ADCY3: variants seen among roughly 807,000 people sequenced by gnomAD.
The protein encoded by ADCY3 is adenylate cyclase 3, also known as adenylate cyclase type 3.
In ADCY3, 70 loss-of-function variants were observed where a neutral mutation model predicts 119.4. The observed-to-expected ratio is 0.59, with a 90% CI of 0.48 to 0.72. The LOEUF (loss-of-function observed/expected upper bound fraction) is 0.72, where lower values mean the gene tolerates loss of function less well. Among genes scored for constraint, ADCY3 ranks in the 30% least tolerant of loss-of-function variants. The pLI, the probability that ADCY3 is intolerant of heterozygous loss-of-function variation, is 0.00. For synonymous variants in ADCY3, 672 were observed against 621.4 expected (o/e 1.08, Z -1.21); for missense variants, 1,238 against 1,541.6 (o/e 0.80, Z 3.30).
At position 24,837,013 on chromosome 2, in the gene ADCY3, C is replaced by T. The variant is rs763149031; in HGVS notation, c.1566G>A (p.Lys522=). The T allele has an allele frequency of 1.9e-6, 3 of 1,614,036 alleles. No individual in the cohort carries two copies. Among genetic ancestry groups the T allele is most frequent in the East Asian group, 4.5e-5 (2 of 44,880 alleles). Residue 522 remains lysine, a synonymous_variant, in exon 9 of 22, where the codon AAG becomes AAA. Transcript: ENST00000679454. ...TCTCAATGAGGGCAGGGGAGCTGGACTTTGAGGAAGCTGGTGCTCCATTGG... is the reference window on the plus strand; with the variant it reads ...TCTCAATGAGGGCAGGGGAGCTGGATTTTGAGGAAGCTGGTGCTCCATTGG... The part of the protein sequence containing the change: ...ALPNGAPASS[K]SSSPALIETK...
rs34029858 is a variant in ADCY3 at position 24,879,452 on chromosome 2, C to CAA, written c.676-6735_676-6734dup. ...TGGGCGACAGAGCGAGACTCTGTCTCAAAAAAAAAAAAAAAAAAAAAAAAG... is the reference window on the plus strand; with the variant it reads ...TGGGCGACAGAGCGAGACTCTGTCTCAAAAAAAAAAAAAAAAAAAAAAAAAAG... On this transcript the variant is annotated intron_variant, in intron 2 of 21. Transcript: ENST00000679454. Among the ~76,000 whole-genome samples, 322 of 65,628 alleles carry CAA rather than the reference C, an allele frequency of 4.9e-3. 4 individuals are homozygous for CAA. The highest frequency in any genetic ancestry group is 0.011 in the African/African-American group (182 of 17,216). 43.1% of individuals were successfully genotyped at this position (65,628 alleles called of 152,430 possible). A position where few individuals can be genotyped will look rare whatever the true frequency, so the allele number is the denominator to read the frequency against.
At chr2:24,884,903 T>C (rs1033006769) in intron 2 of ADCY3, among the ~76,000 whole-genome samples, 1 of 152,200 alleles carries the variant, frequency 6.6e-6, no homozygotes, top group South Asian at 2.1e-4. Flanking sequence ...ACGGCGGTGC[T>C]TTCCACCTGT....
At chr2:24,911,217 C>CTTTTTTT (rs61442701) in intron 2 of ADCY3, among the ~76,000 whole-genome samples, 4 of 93,474 alleles carry the variant, frequency 4.3e-5, no homozygotes, top group Non-Finnish European at 6.0e-5. Context: ...TATAAGGGTT[C>CTTTTTTT]TTTTTTTTTT....
chr2:24,836,096 C>T (rs1419416312), intron 9 of ADCY3, among the ~76,000 whole-genome samples: 8 of 152,126 alleles, frequency 5.3e-5, no homozygotes, highest in South Asian at 2.1e-4. Flanking sequence ...GAAGCAGATC[C>T]GGGAGCAGCG....
chr2:24,823,399 A>C (rs1668080637), intron 17 of ADCY3, 44 bp from the exon 18 acceptor site: 5 of 1,592,804 alleles, frequency 3.1e-6, no homozygotes, highest in South Asian at 1.1e-5. Flanking sequence ...TGTCCGACTG[A>C]CTGGATGATG....
Position 24,836,989 on chromosome 2 carries a change from C to G in ADCY3, c.1590G>C (p.Glu530Asp), listed in dbSNP as rs1368521086. ...GGGCACTCCCGTTGGGCTCCTTGGT[C>G]TCAATGAGGGCAGGGGAGCTGGACT... ...SSKSSSPALI[E>D]TKEPNGSAHS... Residue 530 changes from glutamate (E) to aspartate (D), a missense_variant, in exon 9 of 22, where the codon GAG becomes GAC. Transcript: ENST00000679454. 4.3e-6 allele frequency: 7 copies of G among 1,614,100 alleles called. No individual in the cohort carries two copies. The highest frequency in any genetic ancestry group is 1.7e-5 in the Admixed American group (1 of 60,014).
intron 2 of ADCY3, among the ~76,000 whole-genome samples, chr2:24,893,740 TG>T (rs1357930868): frequency 6.6e-6 from 1 of 151,956 alleles, no homozygotes; most frequent in Non-Finnish European, 1.5e-5. Context: ...CACAAACAGC[TG>T]GGACTACAGG....
intron 2 of ADCY3, among the ~76,000 whole-genome samples, chr2:24,884,871 CCA>C (rs1431495902): frequency 6.0e-4 from 92 of 152,284 alleles, no homozygotes; most frequent in African/African-American, 2.1e-3. Context: ...AGCATGTCTC[CCA>C]CACATTCAAA....
chr2:24,833,045 T>A (rs934594653), intron 11 of ADCY3, among the ~76,000 whole-genome samples: 6 of 152,186 alleles, frequency 3.9e-5, no homozygotes, highest in African/African-American at 1.4e-4. Context: ...CAACCACTGA[T>A]CCTCCTCTAT....
chr2:24,840,449 A>ACCTG, intron 6 of ADCY3: 6 of 398,716 alleles, frequency 1.5e-5, no homozygotes, highest in South Asian at 1.1e-4. Context: ...AGAGAATGTT[A>ACCTG]GAGTTCCTGG....
intron 3 of ADCY3, among the ~76,000 whole-genome samples, chr2:24,855,943 G>A (rs1199700653): frequency 6.6e-6 from 1 of 152,200 alleles, no homozygotes; most frequent in African/African-American, 2.4e-5. Context: ...CACTGGCTCA[G>A]GACAGAGATA....
intron 16 of ADCY3, among the ~76,000 whole-genome samples, chr2:24,825,244 C>G (rs1668408460): frequency 6.6e-6 from 1 of 151,528 alleles, no homozygotes. Context: ...GGCACTTGAA[C>G]TAACATTGGG....
At chr2:24,851,042 A>T (rs1283822219) in intron 3 of ADCY3, among the ~76,000 whole-genome samples, 3 of 152,208 alleles carry the variant, frequency 2.0e-5, no homozygotes, top group Non-Finnish European at 4.4e-5. Flanking sequence ...TGTTCTTTTT[A>T]AAAATACTTT....
At position 24,872,804 on chromosome 2, in the gene ADCY3, GGGGT is replaced by G. The variant is rs1199137536; in HGVS notation, c.676-89_676-86del. On this transcript the variant is annotated intron_variant, in intron 2 of 21. Coordinates refer to ENST00000679454, the MANE Select transcript of ADCY3 (RefSeq NM_004036.5). This position sits in a 1 kb window ranked among gnomAD's most constrained non-coding sequence, Gnocchi z 4.4. ...GGATGGAGAAGGGGATGGAGGAGGTGGGGTGGGTGGTGACCAAAATCAAACCTCA... is the reference window on the plus strand; with the variant it reads ...GGATGGAGAAGGGGATGGAGGAGGTGGGGTGGTGACCAAAATCAAACCTCA... 6.6e-7 allele frequency: 1 copy of G among 1,513,652 alleles called. No individual in the cohort carries two copies. The highest frequency in any genetic ancestry group is 9.0e-7 in the Non-Finnish European group (1 of 1,113,742). 93.8% of individuals were successfully genotyped at this position (1,513,652 alleles called of 1,614,324 possible). A position where few individuals can be genotyped will look rare whatever the true frequency, so the allele number is the denominator to read the frequency against.
intron 17 of ADCY3, 69 bp downstream of exon 17, chr2:24,824,309 G>A: frequency 6.4e-7 from 1 of 1,574,642 alleles, no homozygotes; most frequent in East Asian, 2.3e-5. Flanking sequence ...CCCAGCGGGG[G>A]CTGCCTGAAA....
chr2:24,841,445 A>G lies in ADCY3; in HGVS notation c.1069-59T>C, dbSNP rs1250970808. ...CCTCCTCAGTGAGGGAGGAGTGGCCAAGAAAGCAGAGGAAGGACAGTGGGA... is the reference window on the plus strand; with the variant it reads ...CCTCCTCAGTGAGGGAGGAGTGGCCGAGAAAGCAGAGGAAGGACAGTGGGA... On this transcript the variant is annotated intron_variant, in intron 5 of 21. Coordinates refer to ENST00000679454, the MANE Select transcript of ADCY3 (RefSeq NM_004036.5). This position sits in a 1 kb window ranked among gnomAD's most constrained non-coding sequence, Gnocchi z 5.8. 3 of 1,598,774 alleles carry G rather than the reference A, an allele frequency of 1.9e-6. No individual in the cohort carries two copies.
chr2:24,830,151 C>T (rs761321647), intron 13 of ADCY3, among the ~76,000 whole-genome samples: 11 of 149,804 alleles, frequency 7.3e-5, no homozygotes, highest in Non-Finnish European at 1.3e-4. Context: ...AGCGATTCTC[C>T]TGCTTCAGCC....
chr2:24,891,014 G>A (rs550435467), intron 2 of ADCY3, among the ~76,000 whole-genome samples: 1 of 152,184 alleles, frequency 6.6e-6, no homozygotes, highest in South Asian at 2.1e-4. Context: ...TGGGATTACA[G>A]GCATGCCACC....
intron 3 of ADCY3, among the ~76,000 whole-genome samples, chr2:24,856,289 GTT>G (rs1249105516): frequency 6.6e-6 from 1 of 152,002 alleles, no homozygotes; most frequent in Non-Finnish European, 1.5e-5. Context: ...TATGAAGTCT[GTT>G]TGTCTGTAGG....
Sources: gnomAD v4.1 joint callset for allele counts (sites outside exome capture counted in the v4.1 genomes callset) on GRCh38, gnomAD v4.1.1 for gene constraint, Gnocchi (gnomAD v3.1) non-coding constraint, MANE v1.5 for transcripts, NCBI Gene and HGNC (gene_info 2026-07-23, HGNC 2026-07-21) for gene names.